The following ABCB1 variants were observed in gnomAD, a reference collection of about 807,000 sequenced individuals.
ABCB1 encodes ATP-dependent translocase ABCB1.
Under a neutral mutation model 142.0 loss-of-function variants are expected in ABCB1, and 69 were observed. The ratio of observed to expected loss-of-function variants is 0.49; its 90% CI spans 0.40 to 0.59. The LOEUF is 0.59. Ranked by LOEUF, ABCB1 falls within the 20% of genes least tolerant of loss-of-function variation. The pLI is 0.00. For synonymous variants in ABCB1, 532 were observed against 539.2 expected, an observed-to-expected ratio of 0.99 and a Z score of 0.18; for missense variants, 1,326 against 1,554.7, an observed-to-expected ratio of 0.85 and a Z score of 2.47.
intron 1 of ABCB1, chr7:87,659,248 A>G (rs923609314): frequency 7.2e-6 from 3 of 414,122 alleles, no homozygotes; most frequent in Admixed American, 2.7e-5. Context: ...TAGGCTTTCC[A>G]TTTTACTTTT....
intron 1 of ABCB1, among the ~76,000 whole-genome samples, chr7:87,651,668 CAGT>C (rs1823583199): frequency 1.3e-5 from 2 of 152,048 alleles, no homozygotes; most frequent in Non-Finnish European, 2.9e-5. Flanking sequence ...AGTTTCACAT[CAGT>C]AGTAGTAACT....
Position 87,630,074 on chromosome 7 carries a change from T to A in ABCB1, c.-330-28996A>T, listed in dbSNP as rs540461399. Among the ~76,000 whole-genome samples, 34 of 152,282 alleles carry A rather than the reference T, an allele frequency of 2.2e-4. No individual in the cohort carries two copies. The South Asian group carries it at 6.8e-3, about 31-fold the overall frequency. ...TTTCTTAGGAACTTCTCTGAGCCAT[T>A]AAGTTGTTTTAAAATTACTTTCCTC... is the stretch of plus-strand genomic sequence containing the variant. On this transcript the variant is annotated intron_variant, in intron 1 of 28. Coordinates refer to the ABCB1 transcript ENST00000265724.
At chr7:87,709,195 A>T in intron 1 of ABCB1, 1 of 964,936 alleles carries the variant, frequency 1.0e-6, no homozygotes, top group Non-Finnish European at 1.2e-6. Flanking sequence ...GAAATTAATA[A>T]ATCAGGAAGC....
rs181992634 is a variant in ABCB1 at position 87,561,051 on chromosome 7, A to G, written c.827+212T>C. 2.0e-5 allele frequency among the ~76,000 whole-genome samples: 3 copies of G among 152,370 alleles called. No individual in the cohort carries two copies. In the East Asian group the frequency reaches 5.8e-4, roughly 29 times the overall value. On this transcript the variant is annotated intron_variant, in intron 8 of 27. Coordinates refer to ENST00000622132, the MANE Select transcript of ABCB1 (RefSeq NM_001348946.2). ...GGAAACTATTTTTATGTTATTGCCC[A>G]TCTAGAAAACTCTTTGAATTAGCAG...
At chr7:87,525,362 A>G (rs750788732) in intron 21 of ABCB1, among the ~76,000 whole-genome samples, 1 of 152,154 alleles carries the variant, frequency 6.6e-6, no homozygotes, top group Non-Finnish European at 1.5e-5. Flanking sequence ...TCTGAAAAGT[A>G]AAAAAGCATC....
At chr7:87,677,398 C>G (rs775552797) in intron 1 of ABCB1, among the ~76,000 whole-genome samples, 1 of 147,128 alleles carries the variant, frequency 6.8e-6, no homozygotes, top group Non-Finnish European at 1.5e-5. Flanking sequence ...GGTCAATAAA[C>G]TACATGAAAT....
rs1031852929 is a variant in ABCB1, at chr7:87,515,542, G to C, written c.3085-114C>G. On this transcript the variant is annotated intron_variant, in intron 24 of 27. Transcript: ENST00000622132. ...AGATAATTAATTTGTGTTACAATTGGCTTCACTTCAAACTGCTAGAATTTA... is the reference window on the plus strand; with the variant it reads ...AGATAATTAATTTGTGTTACAATTGCCTTCACTTCAAACTGCTAGAATTTA... 4.7e-6 allele frequency: 4 copies of C among 852,946 alleles called. No individual in the cohort carries two copies. The African/African-American group carries it at 6.7e-5, about 14-fold the overall frequency. The allele number at this position is 852,946 out of a possible 1,614,324, so 52.8% of individuals were successfully genotyped here. A position where few individuals can be genotyped will look rare whatever the true frequency, so the allele number is the denominator to read the frequency against.
chr7:87,626,174 T>TTGTCATATATGTGTCATATATA (rs1820474146), intron 1 of ABCB1, among the ~76,000 whole-genome samples: 2 of 82,018 alleles, frequency 2.4e-5, no homozygotes, highest in Admixed American at 2.4e-4. Context: ...GTCATATATA[T>TTGTCATATATGTGTCATATATA]TGTCATATAT....
Position 87,515,375 on chromosome 7 carries a change from G to C in ABCB1, c.3138C>G (p.Thr1046=). 1.9e-6 allele frequency: 3 copies of C among 1,614,064 alleles called. 1 individual carries two copies. The South Asian group carries it at 3.3e-5, about 18-fold the overall frequency. Residue 1046 remains threonine (T), a synonymous_variant, in exon 25 of 28, where the codon ACC becomes ACG. Coordinates refer to ENST00000622132, the MANE Select transcript of ABCB1 (RefSeq NM_001348946.2). ...TFGEVVFNYP[T]RPDIPVLQGL... ...CCTGAAGCACTGGGATGTCCGGTCG[G>C]GTGGGATAGTTGAATACAACTTCAC...
At chr7:87,646,892 G>A (rs757085944) in intron 1 of ABCB1, among the ~76,000 whole-genome samples, 3 of 152,016 alleles carry the variant, frequency 2.0e-5, no homozygotes, top group Admixed American at 6.6e-5. Context: ...TTGACTATCC[G>A]TTAGGTACAA....
intron 2 of ABCB1, among the ~76,000 whole-genome samples, chr7:87,599,416 T>C (rs2129997394): frequency 6.6e-6 from 1 of 152,268 alleles, no homozygotes; most frequent in African/African-American, 2.4e-5. Context: ...AAACGCGATG[T>C]TTACATAGCC....
At chr7:87,602,659 T>A (rs1208098357), upstream of ABCB1, among the ~76,000 whole-genome samples, 5 of 152,212 alleles carry the variant, frequency 3.3e-5, no homozygotes, top group African/African-American at 1.2e-4. Flanking sequence ...ATACTATTTC[T>A]ACAATCTTGA....
intron 1 of ABCB1, among the ~76,000 whole-genome samples, chr7:87,645,357 T>G (rs1202118811): frequency 2.0e-5 from 3 of 152,132 alleles, no homozygotes; most frequent in African/African-American, 7.2e-5. Context: ...GTGCAGGTAT[T>G]ACAGGGTTGA....
chr7:87,505,949 T>C lies in ABCB1; in HGVS notation c.3584A>G (p.His1195Arg). 2 of 1,614,190 alleles carry C rather than the reference T, an allele frequency of 1.2e-6. No homozygotes were observed. Among genetic ancestry groups the C allele is most frequent in the Non-Finnish European group, 1.7e-6 (2 of 1,180,016 alleles). The change falls in exon 27 of 28, where the codon CAT becomes CGT. Residue 1195 changes from histidine (H) to arginine (R), a missense_variant. Physicochemically the swap from His to Arg is conservative, Grantham distance 29. Transcript: ENST00000622132. ...AIARALVRQPHILLLDEATSA... is the reference protein window; with the variant it reads ...AIARALVRQPRILLLDEATSA... ...CGTGGCTTCATCCAAAAGCAAAATA[T>C]GAGGCTGTCTAACAAGGGCACGAGC...
chr7:87,647,509 A>G (rs144758059), intron 1 of ABCB1, among the ~76,000 whole-genome samples: 4,477 of 152,332 alleles, frequency 0.029, 64 homozygotes, highest in Middle Eastern at 0.048. Flanking sequence ...TTTGGAAAAT[A>G]TAAGTTTCAT....
At chr7:87,667,232 T>C (rs1361180258) in intron 1 of ABCB1, among the ~76,000 whole-genome samples, 5 of 152,142 alleles carry the variant, frequency 3.3e-5, no homozygotes, top group Non-Finnish European at 7.4e-5. Context: ...CTATGAAGTT[T>C]ATTCTTTTTC....
chr7:87,531,403 A>G lies in ABCB1; in HGVS notation c.2576T>C (p.Leu859Pro). Residue 859 changes from leucine to proline, a missense_variant, in exon 21 of 28, where the codon CTG becomes CCG. Physicochemically the swap from Leu to Pro is moderately conservative, Grantham distance 98 (BLOSUM62 -3). Transcript: ENST00000622132. ...ISFIYGWQLT[L>P]LLLAIVPIIA... ...GATGGGTACAATTGCTAAGAGTAAC[A>G]GTGTTAGTTGCCAACCATAGATGAA... 1 of 1,613,568 alleles carries G rather than the reference A, an allele frequency of 6.2e-7. No homozygotes were observed. The highest frequency in any genetic ancestry group is 8.5e-7 in the Non-Finnish European group (1 of 1,179,732).
intron 9 of ABCB1, 77 bp downstream of exon 9, chr7:87,553,684 T>C: frequency 1.4e-6 from 2 of 1,469,524 alleles, no homozygotes; most frequent in Non-Finnish European, 9.5e-7. Flanking sequence ...AATATATTCT[T>C]CTAAAGTCAA....
intron 1 of ABCB1, among the ~76,000 whole-genome samples, chr7:87,630,187 T>C (rs1821071737): frequency 1.3e-5 from 2 of 152,196 alleles, no homozygotes; most frequent in African/African-American, 2.4e-5. Context: ...TTTCTCTGTA[T>C]TTTTCCGTTA....
Sources: allele counts gnomAD v4.1 joint callset (sites outside exome capture counted in the v4.1 genomes callset), GRCh38; gene constraint gnomAD v4.1.1; transcripts MANE v1.5; gene names NCBI Gene and HGNC (gene_info 2026-07-23, HGNC 2026-07-21).